The following KIRREL3 variants were observed in gnomAD, a reference collection of about 807,000 sequenced individuals.
KIRREL3 encodes the protein kin of IRRE-like protein 3.
Under a neutral mutation model 89.7 loss-of-function variants are expected in KIRREL3, and 36 were observed. That is an observed-to-expected ratio of 0.40 (90% CI 0.31 to 0.53). The LOEUF (loss-of-function observed/expected upper bound fraction) is 0.53. KIRREL3 is among the 20% of genes least tolerant of loss of function. KIRREL3 has a pLI of 0.49. For missense variants in KIRREL3, 864 were observed against 1,056.6 expected (o/e 0.82, Z 2.53); for synonymous variants, 445 against 441.4 (o/e 1.01, Z -0.10).
At position 126,478,755 on chromosome 11, in the gene KIRREL3, GTA is replaced by G. The variant is rs1283651289; in HGVS notation, c.434-5291_434-5290del. Among the ~76,000 whole-genome samples the G allele has an allele frequency of 1.2e-3, 182 of 151,834 alleles. 4 individuals are homozygous for G. The highest frequency in any genetic ancestry group is 1.2e-3 in the Admixed American group (19 of 15,264). On this transcript the variant is annotated intron_variant, in intron 4 of 16. Coordinates refer to ENST00000525144, the MANE Select transcript of KIRREL3 (RefSeq NM_032531.4). ...TACATGTGTATGTAAGTGTGTGTGTGTATATGTGTGTGTATATGTGTGTTTGT... is the reference window on the plus strand; with the variant it reads ...TACATGTGTATGTAAGTGTGTGTGTGTATGTGTGTGTATATGTGTGTTTGT...
intron 1 of KIRREL3, among the ~76,000 whole-genome samples, chr11:126,657,001 G>A (rs1318958558): frequency 6.6e-6 from 1 of 151,792 alleles, no homozygotes; most frequent in African/African-American, 2.4e-5. Flanking sequence ...GTGGTGAGCT[G>A]AGATCATGCC....
At chr11:126,698,294 C>T (rs1317306378) in intron 1 of KIRREL3, among the ~76,000 whole-genome samples, 2 of 152,176 alleles carry the variant, frequency 1.3e-5, no homozygotes, top group Non-Finnish European at 2.9e-5. Flanking sequence ...ATTTAAGAAT[C>T]CTTCTGACAC....
At chr11:126,767,076 G>A (rs930087670) in intron 1 of KIRREL3, among the ~76,000 whole-genome samples, 1 of 152,226 alleles carries the variant, frequency 6.6e-6, no homozygotes, top group African/African-American at 2.4e-5. Flanking sequence ...GATATGCCTG[G>A]CCCAGAGGGC....
At chr11:126,483,678 G>T (rs1313351058) in intron 4 of KIRREL3, among the ~76,000 whole-genome samples, 1 of 152,230 alleles carries the variant, frequency 6.6e-6, no homozygotes, top group Non-Finnish European at 1.5e-5. Context: ...GTTCTCTCCA[G>T]TGAGGTCTCA....
intron 1 of KIRREL3, among the ~76,000 whole-genome samples, chr11:126,751,104 G>T (rs977609248): frequency 6.6e-6 from 1 of 152,202 alleles, no homozygotes; most frequent in Non-Finnish European, 1.5e-5. Context: ...GAGAATTGAT[G>T]AAACTTCATG....
rs1254109722 is a variant in KIRREL3, at chr11:126,610,731, C to G, written c.56-47819G>C. 1 of 152,238 alleles carries G rather than the reference C, an allele frequency of 6.6e-6. No individual in the cohort carries two copies. The highest frequency in any genetic ancestry group is 1.5e-5 in the Non-Finnish European group (1 of 68,068). 9.4% of individuals were successfully genotyped at this position (152,238 alleles called of 1,614,324 possible). On this transcript the variant is annotated intron_variant, in intron 1 of 16. Coordinates refer to ENST00000525144, the MANE Select transcript of KIRREL3 (RefSeq NM_032531.4). The surrounding 1 kb of genome is among the most constrained non-coding windows in gnomAD (Gnocchi z 4.6). ...AGAAATCCATCCTTCCCTGGGATCT[C>G]TTGGAGGGCTCTCCATCTCTCTTAG... is the stretch of plus-strand genomic sequence containing the variant.
rs1020571676 is a variant in KIRREL3 at position 126,624,885 on chromosome 11, A to T, written c.56-61973T>A. Among the ~76,000 whole-genome samples the T allele has an allele frequency of 6.6e-6, 1 of 152,128 alleles. No individual in the cohort carries two copies. The highest frequency in any genetic ancestry group is 1.5e-5 in the Non-Finnish European group (1 of 68,032). On this transcript the variant is annotated intron_variant, in intron 1 of 16. Transcript: ENST00000525144. This position sits in a 1 kb window ranked among gnomAD's most constrained non-coding sequence, Gnocchi z 6.0. ...AGCCTGCACTTTCTCCAGACCTACC[A>T]TCAGTAAGGATGGTGGAAATTGGGG...
In KIRREL3 at chr11:126,591,640, C is replaced by G. The variant is rs1028006858; in HGVS notation, c.56-28728G>C. Among the ~76,000 whole-genome samples the G allele has an allele frequency of 9.2e-5, 14 of 152,336 alleles. No individual in the cohort carries two copies. In the South Asian group the frequency reaches 2.9e-3, roughly 32 times the overall value. ...AGGGTGGTAGTGCTTCTAGAAGGAT[C>G]TGGCTGTTCAGAGAAAGCTCTCTGT... On this transcript the variant is annotated intron_variant, in intron 1 of 16. Coordinates refer to ENST00000525144, the MANE Select transcript of KIRREL3 (RefSeq NM_032531.4).
chr11:126,867,096 AG>A lies in KIRREL3; in HGVS notation c.55+133358del, dbSNP rs1333920139. 2.0e-5 allele frequency among the ~76,000 whole-genome samples: 3 copies of A among 152,214 alleles called. No homozygotes were observed. The highest frequency in any genetic ancestry group is 6.5e-5 in the Admixed American group (1 of 15,286). On this transcript the variant is annotated intron_variant, in intron 1 of 16. Transcript: ENST00000525144. The surrounding 1 kb of genome is among the most constrained non-coding windows in gnomAD (Gnocchi z 4.7). The stretch of plus-strand genomic sequence containing the variant: ...TGTAACACACGCCCACTGGGGCTTC[AG>A]GAGCTGTAAACACTCAACCCTACAT...
intron 1 of KIRREL3, among the ~76,000 whole-genome samples, chr11:126,826,272 T>G (rs4937188): frequency 0.25 from 37,960 of 152,086 alleles, 4,786 homozygotes; most frequent in Admixed American, 0.31. Context: ...CCTAACTGTC[T>G]GTCCGGAAAA....
At chr11:126,630,081 A>T (rs183827269) in intron 1 of KIRREL3, among the ~76,000 whole-genome samples, 99 of 152,334 alleles carry the variant, frequency 6.5e-4, no homozygotes, top group African/African-American at 2.2e-3. Context: ...CTGGGATCCT[A>T]GCTCTGATGT....
intron 1 of KIRREL3, among the ~76,000 whole-genome samples, chr11:126,919,017 GTAT>G (rs756963378): frequency 2.0e-5 from 3 of 149,366 alleles, no homozygotes; most frequent in East Asian, 1.9e-4. Flanking sequence ...ATGTATATAT[GTAT>G]TATTATGTGT....
chr11:126,717,987 T>C (rs771216475), intron 1 of KIRREL3, among the ~76,000 whole-genome samples: 2 of 152,154 alleles, frequency 1.3e-5, no homozygotes, highest in Non-Finnish European at 2.9e-5. Context: ...TTGACAGAAC[T>C]CTACATTTTT....
Position 126,940,146 on chromosome 11 carries a change from G to A in KIRREL3, c.55+60309C>T, listed in dbSNP as rs1481069631. 6.6e-6 allele frequency among the ~76,000 whole-genome samples: 1 copy of A among 152,110 alleles called. No individual in the cohort carries two copies. The highest frequency in any genetic ancestry group is 2.4e-5 in the African/African-American group (1 of 41,408). On this transcript the variant is annotated intron_variant, in intron 1 of 16. Coordinates refer to ENST00000525144, the MANE Select transcript of KIRREL3 (RefSeq NM_032531.4). This position sits in a 1 kb window ranked among gnomAD's most constrained non-coding sequence, Gnocchi z 4.6. ...AAGAAGCAGTTTGGACCACAGGCAG[G>A]TCAGAATGCCCTAGCACTTCCACAA...
At chr11:126,581,052 G>A (rs1217725055) in intron 1 of KIRREL3, among the ~76,000 whole-genome samples, 2 of 152,102 alleles carry the variant, frequency 1.3e-5, no homozygotes, top group East Asian at 1.9e-4. Flanking sequence ...TGCAATGCCA[G>A]TTTAAAGAAC....
chr11:126,425,534 C>G, intron 16 of KIRREL3, 104 bp downstream of exon 16: 3 of 1,082,780 alleles, frequency 2.8e-6, no homozygotes, highest in Non-Finnish European at 4.1e-6. Context: ...CTGACCTTTT[C>G]TTCTCTGACT....
At chr11:126,781,233 C>A (rs1592119043) in intron 1 of KIRREL3, among the ~76,000 whole-genome samples, 1 of 152,262 alleles carries the variant, frequency 6.6e-6, no homozygotes, top group East Asian at 1.9e-4. Context: ...CTCTGGGTAT[C>A]AGTTTCCTCA....
At position 126,946,757 on chromosome 11, in the gene KIRREL3, C is replaced by T. The variant is rs1363264586; in HGVS notation, c.55+53698G>A. Among the ~76,000 whole-genome samples, 3 of 152,104 alleles carry T rather than the reference C, an allele frequency of 2.0e-5. No homozygotes were observed. Among genetic ancestry groups the T allele is most frequent in the African/African-American group, 7.2e-5 (3 of 41,410 alleles). On this transcript the variant is annotated intron_variant, in intron 1 of 16. Coordinates refer to ENST00000525144, the MANE Select transcript of KIRREL3 (RefSeq NM_032531.4). The surrounding 1 kb of genome is among the most constrained non-coding windows in gnomAD (Gnocchi z 4.1). ...TATTAATTTTGTACTTATCATATGT[C>T]AGGCAACAGAGTGAATGTTCTACAC...
intron 12 of KIRREL3, among the ~76,000 whole-genome samples, chr11:126,436,154 C>T (rs1173757086): frequency 6.6e-6 from 1 of 152,162 alleles, no homozygotes; most frequent in Non-Finnish European, 1.5e-5. Flanking sequence ...AGGCTTGTTC[C>T]TCCTGCCTCC....
Sources: allele counts gnomAD v4.1 joint callset (sites outside exome capture counted in the v4.1 genomes callset), GRCh38; gene constraint gnomAD v4.1.1; non-coding constraint Gnocchi (gnomAD v3.1); transcripts MANE v1.5; gene names NCBI Gene and HGNC (gene_info 2026-07-23, HGNC 2026-07-21).